Variants in EVC2 observed in about 807,000 individuals in gnomAD.
EVC2 encodes EvC ciliary complex subunit 2.
In EVC2, 148 loss-of-function variants were observed where a neutral mutation model predicts 149.3. The observed-to-expected ratio is 0.99, with a 90% CI of 0.87 to 1.14. EVC2 has a LOEUF of 1.14. Among genes scored for constraint, EVC2 ranks in the 50% most tolerant of loss-of-function variants. EVC2 has a pLI of 0.00. For synonymous variants in EVC2, 776 were observed against 649.9 expected (o/e 1.19, Z -2.95); for missense variants, 1,854 against 1,627.3 (o/e 1.14, Z -2.40).
At chr4:5,619,589 GT>G (rs1473146238) in intron 14 of EVC2, among the ~76,000 whole-genome samples, 2 of 152,202 alleles carry the variant, frequency 1.3e-5, no homozygotes, top group African/African-American at 2.4e-5. Flanking sequence ...ATATATTTCT[GT>G]TGTTTTAAGC....
chr4:5,553,733 A>T (rs1457433933), intron 21 of EVC2, among the ~76,000 whole-genome samples: 3 of 152,216 alleles, frequency 2.0e-5, no homozygotes, highest in Non-Finnish European at 2.9e-5. Flanking sequence ...TCAAGCTGTT[A>T]AAAGAAAAAA....
intron 10 of EVC2, among the ~76,000 whole-genome samples, chr4:5,632,909 T>A (rs776251484): frequency 6.6e-6 from 1 of 152,210 alleles, no homozygotes; most frequent in Non-Finnish European, 1.5e-5. Context: ...ATATGCCACA[T>A]AAATTCCCTC....
At chr4:5,675,162 C>A (rs1265739930) in intron 7 of EVC2, among the ~76,000 whole-genome samples, 1 of 152,108 alleles carries the variant, frequency 6.6e-6, no homozygotes, top group African/African-American at 2.4e-5. Flanking sequence ...AAACATTAAT[C>A]TTTTGTCTCT....
chr4:5,659,199 C>A (rs1020777588), intron 9 of EVC2, among the ~76,000 whole-genome samples: 1 of 152,034 alleles, frequency 6.6e-6, no homozygotes, highest in East Asian at 1.9e-4. Context: ...TGGCATATTT[C>A]GAATCCCAGC....
intron 9 of EVC2, among the ~76,000 whole-genome samples, chr4:5,650,521 A>G (rs1189141656): frequency 1.3e-5 from 2 of 150,536 alleles, no homozygotes; most frequent in African/African-American, 4.9e-5. Context: ...TGGCTATGTG[A>G]GAATATTATC....
At chr4:5,675,973 G>A (rs1203527913) in intron 7 of EVC2, among the ~76,000 whole-genome samples, 1 of 152,144 alleles carries the variant, frequency 6.6e-6, no homozygotes, top group Non-Finnish European at 1.5e-5. Context: ...ATTAGTATTG[G>A]AATTGCACTC....
At chr4:5,603,705 C>T (rs796737541) in intron 16 of EVC2, among the ~76,000 whole-genome samples, 5 of 152,300 alleles carry the variant, frequency 3.3e-5, no homozygotes, top group African/African-American at 1.2e-4. Flanking sequence ...AATCTGGAAA[C>T]AGTGAATGAA....
intron 14 of EVC2, among the ~76,000 whole-genome samples, chr4:5,619,239 C>T (rs1715504807): frequency 6.6e-6 from 1 of 152,128 alleles, no homozygotes; most frequent in South Asian, 2.1e-4. Context: ...ATATTCAAGT[C>T]CTAACCTGGG....
chr4:5,539,524 T>A (rs1721475237), downstream of EVC2, among the ~76,000 whole-genome samples: 1 of 152,180 alleles, frequency 6.6e-6, no homozygotes, highest in African/African-American at 2.4e-5. Flanking sequence ...TAACACAACC[T>A]GATTTAAGAC....
chr4:5,620,529 GAAAGCTTCTA>G (rs1335893886), intron 14 of EVC2, among the ~76,000 whole-genome samples: 1 of 152,134 alleles, frequency 6.6e-6, no homozygotes, highest in South Asian at 2.1e-4. Context: ...GTTGAAATTG[GAAAGCTTCTA>G]AAAATGTGTT....
chr4:5,545,139 T>C (rs1721589867), intron 21 of EVC2, among the ~76,000 whole-genome samples: 1 of 152,350 alleles, frequency 6.6e-6, no homozygotes, highest in East Asian at 1.9e-4. Flanking sequence ...TGGCCCTGTA[T>C]GGGATCTGTG....
intron 9 of EVC2, among the ~76,000 whole-genome samples, chr4:5,653,479 G>T (rs1453953697): frequency 6.6e-6 from 1 of 152,206 alleles, no homozygotes; most frequent in Non-Finnish European, 1.5e-5. Context: ...TCCTGGGAAG[G>T]TGTAAACTGC....
chr4:5,601,259 T>C (rs189228572), intron 16 of EVC2, among the ~76,000 whole-genome samples: 28 of 152,076 alleles, frequency 1.8e-4, no homozygotes, highest in Admixed American at 1.4e-3. Context: ...GTAATGAACA[T>C]GGAGGTAAGA....
downstream of EVC2, among the ~76,000 whole-genome samples, chr4:5,541,472 C>A (rs73070487): frequency 3.9e-3 from 600 of 152,252 alleles, 2 homozygotes; most frequent in African/African-American, 0.012. Context: ...TTGAAGAGAG[C>A]GAGTGCTGGA....
chr4:5,536,739 ACG>A, the EVC2 span, among the ~76,000 whole-genome samples: 2 of 151,824 alleles, frequency 1.3e-5, no homozygotes, highest in Non-Finnish European at 2.9e-5. Flanking sequence ...AGCAGAGATC[ACG>A]CCACTGCACT....
At chr4:5,608,685 C>G (rs1165020273) in intron 16 of EVC2, among the ~76,000 whole-genome samples, 1 of 152,000 alleles carries the variant, frequency 6.6e-6, no homozygotes, top group Non-Finnish European at 1.5e-5. Context: ...AAGTGTGCAC[C>G]ACCACACCCA....
chr4:5,555,105 T>C (rs765018078), intron 21 of EVC2, among the ~76,000 whole-genome samples: 2 of 151,688 alleles, frequency 1.3e-5, no homozygotes, highest in Non-Finnish European at 2.9e-5. Flanking sequence ...AAGGTCAATA[T>C]ATAAAAGGGG....
At chr4:5,704,301 C>A (rs1181287150) in intron 1 of EVC2, among the ~76,000 whole-genome samples, 2 of 152,030 alleles carry the variant, frequency 1.3e-5, no homozygotes, top group African/African-American at 4.8e-5. Flanking sequence ...GAAACCCATG[C>A]GATATGCTGA....
At chr4:5,612,514 A>C (rs1313043877) in intron 16 of EVC2, among the ~76,000 whole-genome samples, 1 of 152,158 alleles carries the variant, frequency 6.6e-6, no homozygotes, top group Non-Finnish European at 1.5e-5. Context: ...CCCTGCTGCA[A>C]GGAGAATTAA....
Sources: gnomAD v4.1 joint callset for allele counts (sites outside exome capture counted in the v4.1 genomes callset) on GRCh38, gnomAD v4.1.1 for gene constraint, MANE v1.5 for transcripts, NCBI Gene and HGNC (gene_info 2026-07-23, HGNC 2026-07-21) for gene names.